The following PLCB2 variants were observed in gnomAD, a reference collection of about 807,000 sequenced individuals.
PLCB2 encodes the protein 1-phosphatidylinositol 4,5-bisphosphate phosphodiesterase beta-2.
Under a neutral mutation model 141.7 loss-of-function variants are expected in PLCB2, and 115 were observed. The observed-to-expected ratio is 0.81, with a 90% CI of 0.70 to 0.95. The LOEUF is 0.95. Ranked by LOEUF, PLCB2 falls within the 40% of genes least tolerant of loss-of-function variation. The pLI is 0.00. For missense variants in PLCB2, 1,403 were observed against 1,541.1 expected (o/e 0.91, Z 1.50); for synonymous variants, 603 against 595.6 (o/e 1.01, Z -0.18).
At chr15:40,294,174 G>A (rs1023544523) in intron 19 of PLCB2, 92 bp downstream of exon 19, 8 of 1,267,844 alleles carry the variant, frequency 6.3e-6, no homozygotes, top group African/African-American at 2.9e-5. Context: ...GATATCAGGG[G>A]AGGGGGTTGC....
chr15:40,296,183 C>T (rs2040201041), intron 16 of PLCB2, 113 bp downstream of exon 16: 2 of 771,602 alleles, frequency 2.6e-6, no homozygotes, highest in Non-Finnish European at 4.3e-6. Context: ...GCCACTTAAG[C>T]AAGCCCTTTG....
chr15:40,305,334 C>T (rs183773954), intron 1 of PLCB2, among the ~76,000 whole-genome samples: 1 of 152,238 alleles, frequency 6.6e-6, no homozygotes, highest in African/African-American at 2.4e-5. Context: ...TCCTAATGCT[C>T]TCCCTCCCCT....
chr15:40,291,559 C>G (rs766052051), intron 25 of PLCB2, 47 bp downstream of exon 25: 7 of 1,610,992 alleles, frequency 4.3e-6, no homozygotes, highest in African/African-American at 2.7e-5. Flanking sequence ...GAGCCCCGGA[C>G]CCGCCCCAGG....
chr15:40,287,791 A>C (rs1321672155), downstream of PLCB2: 4 of 287,796 alleles, frequency 1.4e-5, no homozygotes, highest in Non-Finnish European at 2.1e-5. Flanking sequence ...AAAGGACCTC[A>C]CCCTGGGTTC....
In PLCB2 at chr15:40,291,892, GCTGGCAACTGGA is replaced by G. The variant is rs781311782; in HGVS notation, c.2547_2558del (p.Pro850_Ser853del). On this transcript the variant is annotated inframe_deletion, in exon 24 of 32. Transcript: ENST00000260402. ...TTGGGGCCAACGCCCCATTGACCTG[GCTGGCAACTGGA>G]CTCGCCAGTGGGAAGGGCTTCTGTG... The G allele has an allele frequency of 1.9e-5, 31 of 1,614,198 alleles. No homozygotes were observed. In the South Asian group the frequency reaches 3.4e-4, roughly 18 times the overall value.
chr15:40,298,079 C>T, intron 11 of PLCB2, 120 bp from the exon 12 acceptor site: 1 of 1,161,632 alleles, frequency 8.6e-7, no homozygotes, highest in Non-Finnish European at 1.2e-6. Context: ...CCGCCATTGG[C>T]CCCCAATCCC....
Position 40,288,189 on chromosome 15 carries a change from C to G in PLCB2, c.*526G>C, listed in dbSNP as rs935976128. ...CAGGCAGAGGGGAGGGGAGGGCCCT[C>G]AGCCAGGGAGTGGCCGTCCCCAGGG... On this transcript the variant is annotated 3_prime_UTR_variant, in exon 32 of 32. Coordinates refer to ENST00000260402, the MANE Select transcript of PLCB2 (RefSeq NM_004573.3). 117 of 985,586 alleles carry G rather than the reference C, an allele frequency of 1.2e-4. No individual in the cohort carries two copies. Among genetic ancestry groups the G allele is most frequent in the Non-Finnish European group, 1.4e-4 (114 of 830,134 alleles). 61.1% of individuals were successfully genotyped at this position (985,586 alleles called of 1,614,324 possible). A position where few individuals can be genotyped will look rare whatever the true frequency, so the allele number is the denominator to read the frequency against.
At chr15:40,284,960 T>C (rs1399163088), downstream of PLCB2, among the ~76,000 whole-genome samples, 1 of 151,126 alleles carries the variant, frequency 6.6e-6, no homozygotes. Flanking sequence ...GGTCCCTTCC[T>C]ATCAGAGACA....
At chr15:40,293,148 GGACA>G in intron 20 of PLCB2, 123 bp from the exon 21 acceptor site, 1 of 632,900 alleles carries the variant, frequency 1.6e-6, no homozygotes, top group Middle Eastern at 4.1e-4. Context: ...GATTTGGTGA[GGACA>G]GACAGAGGGC....
downstream of PLCB2, among the ~76,000 whole-genome samples, chr15:40,285,114 TC>T (rs1463874034): frequency 6.6e-6 from 1 of 152,158 alleles, no homozygotes; most frequent in African/African-American, 2.4e-5. Flanking sequence ...TCTCTCCAGC[TC>T]CCAGGCTCCG....
rs972555224 is a variant in PLCB2, at chr15:40,307,785, G to T, written c.-113C>A. On this transcript the variant is annotated 5_prime_UTR_variant, in exon 1 of 32. Transcript: ENST00000260402. The stretch of plus-strand genomic sequence containing the variant: ...CTGGGCTCAAATGGCACCCATCCCC[G>T]AGCTGCTCCAGAAATCTAGTTGCTC... 3 of 812,242 alleles carry T rather than the reference G, an allele frequency of 3.7e-6. No individual in the cohort carries two copies. Among genetic ancestry groups the T allele is most frequent in the Admixed American group, 3.0e-5 (1 of 32,926 alleles). 50.3% of individuals were successfully genotyped at this position (812,242 alleles called of 1,614,324 possible). A position where few individuals can be genotyped will look rare whatever the true frequency, so the allele number is the denominator to read the frequency against.
Position 40,290,664 on chromosome 15 carries a change from T to C in PLCB2, c.3122A>G (p.Lys1041Arg). Residue 1041 changes from lysine (K) to arginine (R), a missense_variant, in exon 29 of 32, where the codon AAA (lysine) becomes AGA (arginine). Transcript: ENST00000260402. ...ALKETSENDT[K>R]EMKKKLETKR... ...TGTCTCCAGCTTTTTCTTCATCTCT[T>C]TGGTGTCGCTGCAGAGAGACAGGCA... The C allele has an allele frequency of 6.2e-7, 1 of 1,613,858 alleles. No homozygotes were observed. The highest frequency in any genetic ancestry group is 8.5e-7 in the Non-Finnish European group (1 of 1,179,828).
chr15:40,291,369 C>T lies in PLCB2; in HGVS notation c.2766G>A (p.Glu922=). The T allele has an allele frequency of 6.6e-7, 1 of 1,526,654 alleles. No homozygotes were observed. The highest frequency in any genetic ancestry group is 1.2e-5 in the South Asian group (1 of 83,198). The allele number at this position is 1,526,654 out of a possible 1,614,324, so 94.6% of individuals were successfully genotyped here. The change falls in exon 26 of 32, where the codon GAG becomes GAA. Residue 922 remains glutamate, a synonymous_variant. Coordinates refer to ENST00000260402, the MANE Select transcript of PLCB2 (RefSeq NM_004573.3). ...GCTGCGCCGCGCCCCGCTGCAGCAG[C>T]TCCTCCCAGCGCCGCGCTCCGCGCC... is the stretch of plus-strand genomic sequence containing the variant. ...LERRGARRWE[E]LLQRGAAQLA... is the part of the protein sequence containing the mutation.
chr15:40,294,456 G>T lies in PLCB2; in HGVS notation c.1907-36C>A, dbSNP rs1019271600. ...AAGGACACTCAGTGAGGAAGGCCCA[G>T]CCCTGGGGCTGTGCCCAGTCTCCAT... is the stretch of plus-strand genomic sequence containing the variant. On this transcript the variant is annotated intron_variant, in intron 18 of 31. Transcript: ENST00000260402. The T allele has an allele frequency of 2.5e-6, 4 of 1,610,966 alleles. No homozygotes were observed. In the Admixed American group the frequency reaches 5.0e-5, roughly 20 times the overall value.
In PLCB2 at chr15:40,291,171, G is replaced by T. The variant is rs765468006; in HGVS notation, c.2883C>A (p.Arg961=). The T allele has an allele frequency of 2.1e-5, 33 of 1,570,672 alleles. 1 individual carries two copies. Among genetic ancestry groups the T allele is most frequent in the Admixed American group, 3.5e-5 (2 of 56,368 alleles). ...KGSRKKRSLP[R]EESAGAAPGE... ...CCGGCGCGGCTCCGGCGCTCTCCTC[G>T]CGGGGCAGGCTCCTGGGGAGGCCAC... The change falls in exon 27 of 32, where the codon CGC becomes CGA. Residue 961 remains arginine, a synonymous_variant. Transcript: ENST00000260402.
At chr15:40,302,667 G>T in intron 3 of PLCB2, 58 bp from the exon 4 acceptor site, 1 of 1,586,644 alleles carries the variant, frequency 6.3e-7, no homozygotes, top group Non-Finnish European at 8.6e-7. Context: ...GCCCAGTGTG[G>T]CTCTCTCTGG....
Position 40,302,485 on chromosome 15 carries a change from T to C in PLCB2, c.356A>G (p.Lys119Arg), listed in dbSNP as rs369766701. 65 of 1,614,082 alleles carry C rather than the reference T, an allele frequency of 4.0e-5. No individual in the cohort carries two copies. The African/African-American group carries it at 7.5e-4, about 19-fold the overall frequency. ...CTGGCACACCTTGCCCACGTTCTCC[T>C]TGTAGGAGACGAAGTTGTGGAAGGT... is the stretch of plus-strand genomic sequence containing the variant. The part of the protein sequence containing the change: ...DLTFHNFVSY[K>R]ENVGKAWAED... The change falls in exon 4 of 32, where the codon AAG becomes AGG. Residue 119 changes from lysine to arginine, a missense_variant. By Grantham distance (26) the Lys-to-Arg change is conservative (BLOSUM62 2). This residue lies in a region of PLCB2 where 975 missense variants were observed against 1,141.1 expected (regional missense o/e 0.85). Transcript: ENST00000260402.
rs371522588 is a variant in PLCB2 at position 40,296,412 on chromosome 15, G to A, written c.1600-20C>T. 7.5e-4 allele frequency: 1,217 copies of A among 1,613,608 alleles called. No individual in the cohort carries two copies. Among genetic ancestry groups the A allele is most frequent in the Non-Finnish European group, 9.4e-4 (1,111 of 1,179,712 alleles). The stretch of plus-strand genomic sequence containing the variant: ...TGTGCCCTAAGGAGAAGAGGGGAGG[G>A]CAAAGAAGAGGAGGATGGTGCAGAG... On this transcript the variant is annotated intron_variant, in intron 15 of 31. Transcript: ENST00000260402.
At chr15:40,285,624 C>T, downstream of PLCB2, 3 of 985,338 alleles carry the variant, frequency 3.0e-6, no homozygotes, top group Middle Eastern at 5.2e-4. Context: ...AGTAACTGGG[C>T]AGGAATGCTC....
Sources: gnomAD v4.1 joint callset for allele counts (sites outside exome capture counted in the v4.1 genomes callset) on GRCh38, gnomAD v4.1.1 for gene constraint, gnomAD v4.1.1 regional missense constraint, MANE v1.5 for transcripts, NCBI Gene and HGNC (gene_info 2026-07-23, HGNC 2026-07-21) for gene names.